IL1RAPL2: variants seen among roughly 807,000 people sequenced by gnomAD.
IL1RAPL2 encodes interleukin 1 receptor accessory protein like 2, also known as X-linked interleukin-1 receptor accessory protein-like 2.
In IL1RAPL2, 3 loss-of-function variants were observed where a neutral mutation model predicts 44.1. The observed-to-expected ratio is 0.07, with a 90% CI of 0.03 to 0.18. IL1RAPL2 has a LOEUF of 0.18. IL1RAPL2 is among the 10% of genes least tolerant of loss of function. The pLI, the probability that IL1RAPL2 is intolerant of heterozygous loss-of-function variation, is 1.00. For missense variants in IL1RAPL2, 391 were observed against 496.4 expected, an observed-to-expected ratio of 0.79 and a Z score of 2.02; for synonymous variants, 181 against 178.8, an observed-to-expected ratio of 1.01 and a Z score of -0.10.
intron 6 of IL1RAPL2, among the ~76,000 whole-genome samples, chrX:105,692,716 G>A (rs1455287583): frequency 9.1e-6 from 1 of 109,886 alleles, no homozygotes; most frequent in Non-Finnish European, 1.9e-5. Flanking sequence ...AGGTTGGTGA[G>A]GGCCTTGAAT....
intron 5 of IL1RAPL2, chrX:105,406,466 C>T (rs867568804): frequency 8.4e-7 from 1 of 1,196,751 alleles, no homozygotes; most frequent in Non-Finnish European, 1.1e-6. Flanking sequence ...ACCGGAGGAT[C>T]ATTCACCAAT....
intron 6 of IL1RAPL2, among the ~76,000 whole-genome samples, chrX:105,667,045 T>G (rs1464306167): frequency 1.8e-5 from 2 of 112,271 alleles, no homozygotes; most frequent in Non-Finnish European, 3.8e-5. Flanking sequence ...AGCAATAGTT[T>G]CAGGGGGTCT....
intron 2 of IL1RAPL2, among the ~76,000 whole-genome samples, chrX:105,145,218 A>C (rs991279549): frequency 1.8e-5 from 2 of 112,142 alleles, no homozygotes; most frequent in Admixed American, 1.9e-4. Flanking sequence ...AGTGACCACT[A>C]TTTTAGATAT....
At chrX:105,562,512 A>AACACACACACACACAC (rs55720100) in intron 6 of IL1RAPL2, among the ~76,000 whole-genome samples, 5 of 91,599 alleles carry the variant, frequency 5.5e-5, no homozygotes, top group Middle Eastern at 5.9e-3. Context: ...ATTGAAAATA[A>AACACACACACACACAC]ACACACACAC....
chrX:105,270,295 G>GCA (rs944291080), intron 5 of IL1RAPL2, among the ~76,000 whole-genome samples: 10 of 110,882 alleles, frequency 9.0e-5, no homozygotes, highest in African/African-American at 2.0e-4. Context: ...GTTCACACAT[G>GCA]CACACACACA....
chrX:105,641,288 C>A (rs766217228), intron 6 of IL1RAPL2, among the ~76,000 whole-genome samples: 2 of 110,810 alleles, frequency 1.8e-5, no homozygotes, highest in African/African-American at 3.3e-5. Context: ...TTTATTTGTT[C>A]ATTCATTTAT....
At chrX:104,761,206 G>C (rs769319237) in intron 2 of IL1RAPL2, among the ~76,000 whole-genome samples, 65 of 111,274 alleles carry the variant, frequency 5.8e-4, no homozygotes, top group African/African-American at 2.1e-3. Flanking sequence ...TTTCCACAGG[G>C]CTGGGGAGGC....
intron 8 of IL1RAPL2, among the ~76,000 whole-genome samples, chrX:105,747,516 G>GTA (rs554778058): frequency 5.0e-4 from 27 of 53,893 alleles, no homozygotes; most frequent in Admixed American, 7.7e-4. Context: ...GTGTGTGTGT[G>GTA]TATATATATA....
chrX:105,222,377 G>C (rs932889394), intron 3 of IL1RAPL2, among the ~76,000 whole-genome samples: 1 of 112,266 alleles, frequency 8.9e-6, no homozygotes, highest in Non-Finnish European at 1.9e-5. Context: ...TATTACCTAA[G>C]AAGGTAGTTA....
intron 4 of IL1RAPL2, among the ~76,000 whole-genome samples, chrX:105,241,136 T>C (rs1556207879): frequency 1.8e-5 from 2 of 111,672 alleles, no homozygotes; most frequent in Admixed American, 1.9e-4. Flanking sequence ...TGTTTACCTC[T>C]CTTTTGGATG....
chrX:104,655,404 G>A (rs1443463557), intron 1 of IL1RAPL2, among the ~76,000 whole-genome samples: 15 of 111,439 alleles, frequency 1.3e-4, no homozygotes, highest in Non-Finnish European at 2.8e-4. Context: ...TTTGTTGAAG[G>A]CCTCTTCTGC....
chrX:104,978,646 G>A (rs971720610), intron 2 of IL1RAPL2, among the ~76,000 whole-genome samples: 5 of 111,541 alleles, frequency 4.5e-5, no homozygotes, highest in Admixed American at 9.6e-5. Flanking sequence ...ATTTGCAAAT[G>A]TCATTATATA....
chrX:105,322,240 A>G (rs1461124580), intron 5 of IL1RAPL2, among the ~76,000 whole-genome samples: 1 of 112,864 alleles, frequency 8.9e-6, no homozygotes, highest in East Asian at 2.8e-4. Flanking sequence ...CTGGTGATCC[A>G]TATAAACTCT....
At chrX:104,842,248 ATG>A (rs888033735) in intron 2 of IL1RAPL2, among the ~76,000 whole-genome samples, 4 of 109,767 alleles carry the variant, frequency 3.6e-5, no homozygotes, top group Non-Finnish European at 7.6e-5. Context: ...CAGGTCATTT[ATG>A]TTCCTCTCTA....
chrX:104,610,362 T>C (rs1929125002), intron 1 of IL1RAPL2, among the ~76,000 whole-genome samples: 1 of 111,406 alleles, frequency 9.0e-6, no homozygotes, highest in Non-Finnish European at 1.9e-5. Context: ...GCAGATGACA[T>C]GATTGTATAT....
chrX:104,885,836 C>T (rs1186594370), intron 2 of IL1RAPL2, among the ~76,000 whole-genome samples: 1 of 112,936 alleles, frequency 8.9e-6, no homozygotes, highest in African/African-American at 3.2e-5. Flanking sequence ...AAGCCACCCT[C>T]TCATCCATGT....
Position 105,391,141 on chromosome X carries a change from T to C in IL1RAPL2, c.698-93172T>C, listed in dbSNP as rs756052897. ...TATTTTGTTCGTTTATTTCAGCCAG[T>C]GTAACTAGGCTTCACTTATTTATGA... On this transcript the variant is annotated intron_variant, in intron 5 of 10. Coordinates refer to ENST00000372582, the MANE Select transcript of IL1RAPL2 (RefSeq NM_017416.2). Among the ~76,000 whole-genome samples the C allele has an allele frequency of 6.3e-5, 7 of 111,863 alleles. No individual in the cohort carries two copies. In the South Asian group the frequency reaches 2.6e-3, roughly 41 times the overall value.
At chrX:105,407,306 AG>A (rs747903428) in intron 5 of IL1RAPL2, among the ~76,000 whole-genome samples, 85 of 110,750 alleles carry the variant, frequency 7.7e-4, no homozygotes, top group Non-Finnish European at 1.4e-3. Flanking sequence ...TGAACGGGGT[AG>A]GGGGGTTTAC....
At chrX:105,289,068 T>G (rs186582628) in intron 5 of IL1RAPL2, among the ~76,000 whole-genome samples, 5 of 111,069 alleles carry the variant, frequency 4.5e-5, no homozygotes, top group Non-Finnish European at 7.6e-5. Context: ...GATACTCTCT[T>G]TTTTTTGTTA....
Sources: allele counts gnomAD v4.1 joint callset (sites outside exome capture counted in the v4.1 genomes callset), GRCh38; gene constraint gnomAD v4.1.1; transcripts MANE v1.5; gene names NCBI Gene and HGNC (gene_info 2026-07-23, HGNC 2026-07-21).